KPNA3: variants seen among roughly 807,000 people sequenced by gnomAD.
KPNA3 encodes the protein importin subunit alpha-4.
KPNA3 carries 13 observed loss-of-function variants against 73.8 expected under a neutral mutation model. That is an observed-to-expected ratio of 0.18 (90% CI 0.11 to 0.28). The LOEUF (loss-of-function observed/expected upper bound fraction) is 0.28. Among genes scored for constraint, KPNA3 ranks in the 10% least tolerant of loss-of-function variants. The probability of loss-of-function intolerance (pLI) is 1.00; values close to 1 mark genes in which losing one functional copy is unlikely to be tolerated. For missense variants in KPNA3, 360 were observed against 618.1 expected (o/e 0.58, Z 4.43); for synonymous variants, 186 against 206.9 (o/e 0.90, Z 0.87).
At chr13:49,762,752 A>G (rs1471844785) in intron 1 of KPNA3, among the ~76,000 whole-genome samples, 2 of 152,082 alleles carry the variant, frequency 1.3e-5, no homozygotes, top group Non-Finnish European at 2.9e-5. Flanking sequence ...TCCTCTGCCT[A>G]GGAAAACCAG....
At chr13:49,753,466 A>G (rs538116350) in intron 1 of KPNA3, among the ~76,000 whole-genome samples, 1 of 152,358 alleles carries the variant, frequency 6.6e-6, no homozygotes, top group African/African-American at 2.4e-5. Flanking sequence ...TTTCTGAAGA[A>G]TCTAATAGAG....
rs1954149773 is a variant in KPNA3, at chr13:49,701,723, CTGT to C, written c.*74_*76del. ...ATGTGTGTTTTGGAGCCTTTTGTTG[CTGT>C]TGTTCTTATCATTTGGTAGCCATCT... On this transcript the variant is annotated 3_prime_UTR_variant, in exon 17 of 17. Transcript: ENST00000261667. The C allele has an allele frequency of 5.6e-6, 5 of 892,244 alleles. No individual in the cohort carries two copies. Among genetic ancestry groups the C allele is most frequent in the Admixed American group, 5.1e-5 (3 of 58,384 alleles). 55.3% of individuals were successfully genotyped at this position (892,244 alleles called of 1,614,324 possible).
chr13:49,702,303 TAAAAG>T, intron 16 of KPNA3, 78 bp downstream of exon 16: 4 of 746,750 alleles, frequency 5.4e-6, no homozygotes, highest in Non-Finnish European at 9.0e-6. Context: ...ATCCTAATAA[TAAAAG>T]GAAAACTCTT....
At chr13:49,727,796 C>A (rs1778570728) in intron 6 of KPNA3, among the ~76,000 whole-genome samples, 1 of 152,062 alleles carries the variant, frequency 6.6e-6, no homozygotes, top group African/African-American at 2.4e-5. Flanking sequence ...CAACATGAAT[C>A]CTGCTAAAAT....
At chr13:49,753,489 A>C (rs1954683976) in intron 1 of KPNA3, among the ~76,000 whole-genome samples, 1 of 152,268 alleles carries the variant, frequency 6.6e-6, no homozygotes, top group Admixed American at 6.5e-5. Context: ...TGGTCACCAC[A>C]CAACCAAAAT....
rs1017806493 is a variant in KPNA3 at position 49,792,576 on chromosome 13, G to C, written c.-70C>G. ...GCGGCGGCGGCGAATCTTGGAGCGGGAGGGGGAGGAGGGGGAGAGCGGGAG... is the reference window on the plus strand; with the variant it reads ...GCGGCGGCGGCGAATCTTGGAGCGGCAGGGGGAGGAGGGGGAGAGCGGGAG... On this transcript the variant is annotated 5_prime_UTR_variant, in exon 1 of 17. Coordinates refer to ENST00000261667, the MANE Select transcript of KPNA3 (RefSeq NM_002267.4). 9.2e-6 allele frequency: 7 copies of C among 764,790 alleles called. No homozygotes were observed. Among genetic ancestry groups the C allele is most frequent in the Non-Finnish European group, 1.4e-5 (7 of 485,166 alleles). The allele number at this position is 764,790 out of a possible 1,614,324, so 47.4% of individuals were successfully genotyped here. A position where few individuals can be genotyped will look rare whatever the true frequency, so the allele number is the denominator to read the frequency against.
intron 1 of KPNA3, among the ~76,000 whole-genome samples, chr13:49,762,926 AC>A (rs1469423880): frequency 1.4e-5 from 2 of 141,708 alleles, no homozygotes; most frequent in African/African-American, 2.5e-5. Flanking sequence ...GGCTTAAAAA[AC>A]AAAAAAAGAA....
chr13:49,784,957 A>C (rs564517234), intron 1 of KPNA3, among the ~76,000 whole-genome samples: 10 of 152,190 alleles, frequency 6.6e-5, no homozygotes, highest in Non-Finnish European at 1.5e-4. Context: ...CCAGGAGCAA[A>C]GAATGGTACC....
intron 1 of KPNA3, among the ~76,000 whole-genome samples, chr13:49,769,338 C>T (rs1225979326): frequency 2.0e-5 from 3 of 152,124 alleles, no homozygotes; most frequent in African/African-American, 7.2e-5. Flanking sequence ...GGATAAGTTC[C>T]GTGGTTTCTA....
chr13:49,740,368 T>C (rs1172611403), intron 2 of KPNA3, among the ~76,000 whole-genome samples: 1 of 152,188 alleles, frequency 6.6e-6, no homozygotes, highest in Non-Finnish European at 1.5e-5. Flanking sequence ...TTATTAACTA[T>C]AGTTCATAAC....
intron 1 of KPNA3, among the ~76,000 whole-genome samples, chr13:49,761,410 C>T (rs79938121): frequency 0.24 from 36,249 of 152,050 alleles, 5,132 homozygotes; most frequent in Non-Finnish European, 0.32. Flanking sequence ...GACTGGTTTT[C>T]GTATTTTTTT....
At chr13:49,761,326 T>C (rs570228934) in intron 1 of KPNA3, among the ~76,000 whole-genome samples, 1,970 of 152,272 alleles carry the variant, frequency 0.013, 23 homozygotes, top group Non-Finnish European at 0.017. Context: ...CTCGGCTCAC[T>C]GCAACCTCCC....
chr13:49,727,644 GA>G (rs1379363859), intron 6 of KPNA3, among the ~76,000 whole-genome samples: 6 of 151,814 alleles, frequency 4.0e-5, no homozygotes, highest in African/African-American at 1.5e-4. Context: ...TGTGTATTAT[GA>G]AAAAAACTCC....
chr13:49,710,148 G>T (rs1954246896), intron 11 of KPNA3, among the ~76,000 whole-genome samples: 1 of 152,176 alleles, frequency 6.6e-6, no homozygotes, highest in African/African-American at 2.4e-5. Flanking sequence ...TGTAATCCCA[G>T]CTACTCTGAA....
chr13:49,768,862 C>T (rs2137591526), intron 1 of KPNA3, among the ~76,000 whole-genome samples: 1 of 152,212 alleles, frequency 6.6e-6, no homozygotes, highest in Middle Eastern at 3.4e-3. Flanking sequence ...TTTGTAGCTG[C>T]CTCTCTTCCA....
chr13:49,729,935 A>T (rs1044087942), intron 6 of KPNA3, among the ~76,000 whole-genome samples: 3 of 152,222 alleles, frequency 2.0e-5, no homozygotes, highest in Admixed American at 6.5e-5. Flanking sequence ...GATTTTTATC[A>T]ACAGCAAACC....
intron 1 of KPNA3, among the ~76,000 whole-genome samples, chr13:49,776,067 C>CTTTTTTA (rs1264677610): frequency 8.5e-5 from 13 of 152,202 alleles, no homozygotes; most frequent in African/African-American, 3.1e-4. Flanking sequence ...CCCTATCGAA[C>CTTTTTTA]TTTTTTATTT....
chr13:49,718,784 T>C (rs1188811749), intron 10 of KPNA3, among the ~76,000 whole-genome samples: 2 of 152,178 alleles, frequency 1.3e-5, no homozygotes, highest in Non-Finnish European at 2.9e-5. Context: ...AAAGATTCCA[T>C]CCTGAGAGCT....
intron 1 of KPNA3, among the ~76,000 whole-genome samples, chr13:49,778,389 T>C (rs1045118455): frequency 1.3e-5 from 2 of 152,228 alleles, no homozygotes; most frequent in Non-Finnish European, 2.9e-5. Context: ...TACCTCTGTC[T>C]ATACATCTTC....
Sources: gnomAD v4.1 joint callset for allele counts (sites outside exome capture counted in the v4.1 genomes callset) on GRCh38, gnomAD v4.1.1 for gene constraint, MANE v1.5 for transcripts, NCBI Gene and HGNC (gene_info 2026-07-23, HGNC 2026-07-21) for gene names.